ST3GAL4: variants seen among roughly 807,000 people sequenced by gnomAD.
ST3GAL4 encodes the protein ST3 beta-galactoside alpha-2,3-sialyltransferase 4, also known as CMP-N-acetylneuraminate-beta-galactosamide-alpha-2,3-sialyltransferase 4.
ST3GAL4 carries 24 observed loss-of-function variants against 42.6 expected under a neutral mutation model. The ratio of observed to expected loss-of-function variants is 0.56; its 90% confidence interval spans 0.41 to 0.79. ST3GAL4 has a LOEUF of 0.79. Ranked by LOEUF, ST3GAL4 falls within the 30% of genes least tolerant of loss-of-function variation. ST3GAL4 has a pLI of 0.00. For synonymous variants in ST3GAL4, 135 were observed against 163.2 expected (o/e 0.83, Z 1.32); for missense variants, 311 against 430.8 (o/e 0.72, Z 2.46).
chr11:126,366,951 C>G lies in ST3GAL4; in HGVS notation c.-61+11109C>G, dbSNP rs1360207507. On this transcript the variant is annotated intron_variant, in intron 1 of 10. Coordinates refer to ENST00000444328, the MANE Select transcript of ST3GAL4 (RefSeq NM_001254757.2). The surrounding 1 kb of genome is among the most constrained non-coding windows in gnomAD (Gnocchi z 4.2). ...AGGGCTGAACGTTGCCTTTGCTGTC[C>G]CTGCTTGGGGATTTTGGGGTACTGG... Among the ~76,000 whole-genome samples, 1 of 152,068 alleles carries G rather than the reference C, an allele frequency of 6.6e-6. No individual in the cohort carries two copies. Among genetic ancestry groups the G allele is most frequent in the South Asian group, 2.1e-4 (1 of 4,820 alleles).
chr11:126,402,880 TTGTC>T (rs1378614427), intron 1 of ST3GAL4, among the ~76,000 whole-genome samples: 3 of 152,184 alleles, frequency 2.0e-5, no homozygotes, highest in Non-Finnish European at 2.9e-5. Context: ...GAAGAGCAGA[TTGTC>T]TTCCTACCCG....
chr11:126,414,111 C>T lies in ST3GAL4; in HGVS notation c.*64C>T. 6.6e-7 allele frequency: 1 copy of T among 1,519,056 alleles called. No homozygotes were observed. The highest frequency in any genetic ancestry group is 2.3e-5 in the East Asian group (1 of 44,398). 94.1% of individuals were successfully genotyped at this position (1,519,056 alleles called of 1,614,324 possible). On this transcript the variant is annotated 3_prime_UTR_variant, in exon 11 of 11. Coordinates refer to ENST00000444328, the MANE Select transcript of ST3GAL4 (RefSeq NM_001254757.2). ...CTGTCTGGGTGACCCCCATGCGTGG[C>T]TGTGGGGGTGGCTGGTGCCAGTATG...
rs987270482 is a variant in ST3GAL4 at position 126,359,262 on chromosome 11, A to G, written c.-61+3420A>G. Among the ~76,000 whole-genome samples the G allele has an allele frequency of 6.6e-6, 1 of 152,120 alleles. No homozygotes were observed. Among genetic ancestry groups the G allele is most frequent in the African/African-American group, 2.4e-5 (1 of 41,406 alleles). On this transcript the variant is annotated intron_variant, in intron 1 of 10. Transcript: ENST00000444328. This position sits in a 1 kb window ranked among gnomAD's most constrained non-coding sequence, Gnocchi z 4.8. ...ATAACAAAAATATTACCATTTAGCA[A>G]TCAGGCACTTATTAAAAGCCTGGCC...
At chr11:126,408,771 G>C (rs970945033) in intron 8 of ST3GAL4, 5 of 513,624 alleles carry the variant, frequency 9.7e-6, no homozygotes, top group Admixed American at 9.7e-5. Flanking sequence ...AAAGCTTTCC[G>C]AGTAGGTGTT....
chr11:126,364,516 G>C (rs1412968377), intron 1 of ST3GAL4, among the ~76,000 whole-genome samples: 2 of 143,282 alleles, frequency 1.4e-5, no homozygotes, highest in African/African-American at 5.2e-5. Flanking sequence ...ATAGGCTGAG[G>C]AGGGGCCGTG....
At chr11:126,403,045 T>C (rs886681349) in intron 1 of ST3GAL4, among the ~76,000 whole-genome samples, 6 of 152,148 alleles carry the variant, frequency 3.9e-5, no homozygotes, top group Non-Finnish European at 8.8e-5. Context: ...AGACCAGCAA[T>C]GTGGGGGAGC....
Position 126,366,791 on chromosome 11 carries a change from T to G in ST3GAL4, c.-61+10949T>G, listed in dbSNP as rs138660493. 1.6e-4 allele frequency among the ~76,000 whole-genome samples: 25 copies of G among 152,160 alleles called. No homozygotes were observed. The highest frequency in any genetic ancestry group is 5.8e-4 in the African/African-American group (24 of 41,430). On this transcript the variant is annotated intron_variant, in intron 1 of 10. Transcript: ENST00000444328. The surrounding 1 kb of genome is among the most constrained non-coding windows in gnomAD (Gnocchi z 4.2). ...TGAGGGGAGGCGGGAGTGCAAGGTC[T>G]GCCGAGTGAGGGTTCCTTCCGGGAG...
rs924037923 is a variant in ST3GAL4 at position 126,379,904 on chromosome 11, T to C, written c.-61+24062T>C. On this transcript the variant is annotated intron_variant, in intron 1 of 10. Coordinates refer to ENST00000444328, the MANE Select transcript of ST3GAL4 (RefSeq NM_001254757.2). The surrounding 1 kb of genome is among the most constrained non-coding windows in gnomAD (Gnocchi z 4.2). ...ATTTTGCTACGGTGAGAATAGTAAC[T>C]GAAACTGGTGTAGTGTCTTTCAATG... 6.6e-6 allele frequency among the ~76,000 whole-genome samples: 1 copy of C among 152,296 alleles called. No individual in the cohort carries two copies. Among genetic ancestry groups the C allele is most frequent in the Admixed American group, 6.5e-5 (1 of 15,288 alleles).
intron 5 of ST3GAL4, 60 bp downstream of exon 5, chr11:126,407,409 T>A: frequency 6.3e-7 from 1 of 1,588,360 alleles, no homozygotes; most frequent in Non-Finnish European, 8.6e-7. Context: ...TGCTTCCTAT[T>A]CTCTGCCGTC....
chr11:126,407,417 G>A (rs750530232), intron 5 of ST3GAL4, 68 bp downstream of exon 5: 19 of 1,579,090 alleles, frequency 1.2e-5, no homozygotes, highest in South Asian at 6.6e-5. Flanking sequence ...ATTCTCTGCC[G>A]TCCACGGCCC....
intron 1 of ST3GAL4, among the ~76,000 whole-genome samples, chr11:126,375,800 G>A (rs1211869313): frequency 1.3e-5 from 2 of 151,114 alleles, no homozygotes; most frequent in African/African-American, 2.4e-5. Context: ...GACAGACCCC[G>A]CAACAATGAA....
rs569283191 is a variant in ST3GAL4 at position 126,410,689 on chromosome 11, G to A, written c.771+1278G>A. 1.9e-4 allele frequency among the ~76,000 whole-genome samples: 29 copies of A among 152,314 alleles called. No homozygotes were observed. In the South Asian group the frequency reaches 5.8e-3, roughly 30 times the overall value. The stretch of plus-strand genomic sequence containing the variant: ...GTGTTGAATGGCTGCTTTTGTGACT[G>A]CTCAATGCCAGGCCCCGAGTCTTCT... On this transcript the variant is annotated intron_variant, in intron 9 of 10. Coordinates refer to ENST00000444328, the MANE Select transcript of ST3GAL4 (RefSeq NM_001254757.2). This position sits in a 1 kb window ranked among gnomAD's most constrained non-coding sequence, Gnocchi z 5.3.
At chr11:126,413,722 G>T in intron 10 of ST3GAL4, 74 bp downstream of exon 10, 1 of 1,589,576 alleles carries the variant, frequency 6.3e-7, no homozygotes, top group Non-Finnish European at 8.6e-7. Flanking sequence ...CTGGGTGAGT[G>T]GGAGCAGTGC....
At chr11:126,380,625 G>C (rs903651607) in intron 1 of ST3GAL4, among the ~76,000 whole-genome samples, 2 of 152,228 alleles carry the variant, frequency 1.3e-5, no homozygotes, top group African/African-American at 4.8e-5. Context: ...TTCCAGAAGA[G>C]AGAGTGATGA....
intron 1 of ST3GAL4, among the ~76,000 whole-genome samples, chr11:126,389,899 C>A (rs1042807836): frequency 1.3e-5 from 2 of 151,450 alleles, no homozygotes; most frequent in Non-Finnish European, 2.9e-5. Flanking sequence ...ATGGGCCAGG[C>A]GCGGTGGCTC....
At chr11:126,399,893 G>A (rs999171797) in intron 1 of ST3GAL4, among the ~76,000 whole-genome samples, 7 of 152,070 alleles carry the variant, frequency 4.6e-5, no homozygotes, top group Non-Finnish European at 8.8e-5. Flanking sequence ...TGGCCTTCAC[G>A]ATCGATATTT....
rs780944399 is a variant in ST3GAL4 at position 126,384,989 on chromosome 11, G to A, written c.-60-21107G>A. Reference sequence around the variant, plus strand: ...GTCGCTGGCACCTTCCACGTCCTGAGTGCTTGTTCTGTGCCCAGCCCCTGC... The same window carrying A: ...GTCGCTGGCACCTTCCACGTCCTGAATGCTTGTTCTGTGCCCAGCCCCTGC... On this transcript the variant is annotated intron_variant, in intron 1 of 10. Transcript: ENST00000444328. The surrounding 1 kb of genome is among the most constrained non-coding windows in gnomAD (Gnocchi z 5.5). 6.7e-5 allele frequency: 60 copies of A among 894,700 alleles called. No homozygotes were observed. The highest frequency in any genetic ancestry group is 7.6e-5 in the Non-Finnish European group (57 of 747,310). 55.4% of individuals were successfully genotyped at this position (894,700 alleles called of 1,614,324 possible).
rs1003691011 is a variant in ST3GAL4 at position 126,396,808 on chromosome 11, C to T, written c.-60-9288C>T. On this transcript the variant is annotated intron_variant, in intron 1 of 10. Coordinates refer to ENST00000444328, the MANE Select transcript of ST3GAL4 (RefSeq NM_001254757.2). This position sits in a 1 kb window ranked among gnomAD's most constrained non-coding sequence, Gnocchi z 5.8. ...TGTACAACCTGGGCCGGTTACTGAC[C>T]CCTTTCCCACCTTAGTTCCCTGGCT... 5.3e-5 allele frequency among the ~76,000 whole-genome samples: 8 copies of T among 151,584 alleles called. No homozygotes were observed. The highest frequency in any genetic ancestry group is 1.0e-4 in the Non-Finnish European group (7 of 67,942).
In ST3GAL4 at chr11:126,375,869, CT is replaced by C. The variant is rs11443803; in HGVS notation, c.-61+20047del. Reference sequence around the variant, plus strand: ...TGCAGGATCCTGATTCCTTTTCTTCCTTTTTTTTTTTTTTTTTTTTGCCCCT... The same window carrying C: ...TGCAGGATCCTGATTCCTTTTCTTCCTTTTTTTTTTTTTTTTTTTGCCCCT... On this transcript the variant is annotated intron_variant, in intron 1 of 10. Coordinates refer to ENST00000444328, the MANE Select transcript of ST3GAL4 (RefSeq NM_001254757.2). 8.9e-3 allele frequency among the ~76,000 whole-genome samples: 1,088 copies of C among 122,618 alleles called. 5 individuals carry two copies. Among genetic ancestry groups the C allele is most frequent in the African/African-American group, 0.017 (557 of 32,944 alleles). The allele number at this position is 122,618 out of a possible 152,430, so 80.4% of individuals were successfully genotyped here.
Sources: gnomAD v4.1 joint callset for allele counts (sites outside exome capture counted in the v4.1 genomes callset) on GRCh38, gnomAD v4.1.1 for gene constraint, Gnocchi (gnomAD v3.1) non-coding constraint, MANE v1.5 for transcripts, NCBI Gene and HGNC (gene_info 2026-07-23, HGNC 2026-07-21) for gene names.